RSPH1: variants seen among roughly 807,000 people sequenced by gnomAD.
RSPH1 encodes radial spoke head 1 homolog.
In RSPH1, 32 loss-of-function variants were observed where a neutral mutation model predicts 44.2. That is an observed-to-expected ratio of 0.72 (90% CI 0.55 to 0.97). The LOEUF is 0.97. Ranked by LOEUF, RSPH1 falls within the 50% of genes least tolerant of loss-of-function variation. The probability of loss-of-function intolerance (pLI) is 0.00; values close to 1 mark genes in which losing one functional copy is unlikely to be tolerated. For missense variants in RSPH1, 391 were observed against 398.7 expected, an observed-to-expected ratio of 0.98 and a Z score of 0.16; for synonymous variants, 134 against 147.3, an observed-to-expected ratio of 0.91 and a Z score of 0.65.
rs1268083145 is a variant in RSPH1 at position 42,474,788 on chromosome 21, AC to A, written c.877+1109del. 6.8e-6 allele frequency among the ~76,000 whole-genome samples: 1 copy of A among 148,072 alleles called. No individual in the cohort carries two copies. Among genetic ancestry groups the A allele is most frequent in the Non-Finnish European group, 1.5e-5 (1 of 67,972 alleles). ...ACAGCGCTCAGGGGAATTACCGATCACGAAAGTCTATGCCAGCGCTCAGGGG... is the reference window on the plus strand; with the variant it reads ...ACAGCGCTCAGGGGAATTACCGATCAGAAAGTCTATGCCAGCGCTCAGGGG... On this transcript the variant is annotated intron_variant, in intron 8 of 8. Coordinates refer to ENST00000291536, the MANE Select transcript of RSPH1 (RefSeq NM_080860.4). The surrounding 1 kb of genome is among the most constrained non-coding windows in gnomAD (Gnocchi z 5.2).
intron 7 of RSPH1, among the ~76,000 whole-genome samples, chr21:42,476,857 G>A (rs191104268): frequency 5.3e-5 from 8 of 152,196 alleles, no homozygotes; most frequent in Non-Finnish European, 1.2e-4. Flanking sequence ...ATAACATCCC[G>A]CACACTCAAC....
chr21:42,476,718 C>T (rs1196094238), intron 7 of RSPH1, among the ~76,000 whole-genome samples: 2 of 152,098 alleles, frequency 1.3e-5, no homozygotes, highest in Non-Finnish European at 2.9e-5. Context: ...CCCCGAGACG[C>T]CACAGTGCTC....
intron 6 of RSPH1, among the ~76,000 whole-genome samples, chr21:42,478,787 A>C (rs2054097161): frequency 6.6e-6 from 1 of 152,266 alleles, no homozygotes; most frequent in African/African-American, 2.4e-5. Context: ...TAAAATGTGG[A>C]AGCAACTCAA....
rs546823069 is a variant in RSPH1 at position 42,493,932 on chromosome 21, T to C, written c.55-853A>G. Among the ~76,000 whole-genome samples the C allele has an allele frequency of 4.6e-5, 7 of 152,328 alleles. No homozygotes were observed. In the East Asian group the frequency reaches 1.3e-3, roughly 29 times the overall value. On this transcript the variant is annotated intron_variant, in intron 1 of 8. Transcript: ENST00000291536. ...TTCCCAGCTAATTTCAAAATTTTTT[T>C]GTAGAGACAAGGTCTCACTATATTG...
chr21:42,475,551 T>C (rs4920111), intron 8 of RSPH1, among the ~76,000 whole-genome samples: 132,039 of 142,272 alleles, frequency 0.93, 61,396 homozygotes, highest in South Asian at 0.96. Context: ...CTGGGTGACA[T>C]AGCAAGACTC....
Position 42,473,227 on chromosome 21 carries a change from A to T in RSPH1, c.878-357T>A, listed in dbSNP as rs533294824. 1.9e-4 allele frequency among the ~76,000 whole-genome samples: 29 copies of T among 152,394 alleles called. No individual in the cohort carries two copies. In the South Asian group the frequency reaches 5.8e-3, roughly 30 times the overall value. The stretch of plus-strand genomic sequence containing the variant: ...AAAAGCAGGCCGGGCGCAGTGGCTC[A>T]TGCCTGTAATCCCAGCACTTTGGGA... On this transcript the variant is annotated intron_variant, in intron 8 of 8. Transcript: ENST00000291536.
In RSPH1 at chr21:42,492,994, C is replaced by T. The variant is rs935130583; in HGVS notation, c.140G>A (p.Ser47Asn). Residue 47 changes from serine (S) to asparagine (N), a missense_variant, in exon 2 of 9, where the codon AGC becomes AAC. By Grantham distance (46) the Ser-to-Asn change is conservative. Transcript: ENST00000291536. ...GCCATGTCTTTTACCGAATTCGTAGCTCCCTTCGTAGGTGTCCCCGTTGGG... is the reference window on the plus strand; with the variant it reads ...GCCATGTCTTTTACCGAATTCGTAGTTCCCTTCGTAGGTGTCCCCGTTGGG... ...RLPNGDTYEG[S>N]YEFGKRHGQG... The T allele has an allele frequency of 6.2e-7, 1 of 1,614,220 alleles. No homozygotes were observed. Among genetic ancestry groups the T allele is most frequent in the African/African-American group, 1.3e-5 (1 of 75,062 alleles).
chr21:42,480,902 C>T (rs2054121974), intron 6 of RSPH1, among the ~76,000 whole-genome samples: 1 of 152,162 alleles, frequency 6.6e-6, no homozygotes, highest in Non-Finnish European at 1.5e-5. Flanking sequence ...CACAGCCTCA[C>T]ACCTGAGCCC....
In RSPH1 at chr21:42,485,794, C is replaced by T. The variant is rs1037411448; in HGVS notation, c.376G>A (p.Gly126Ser). Residue 126 changes from glycine to serine, a missense_variant, in exon 5 of 9, where the codon GGC (glycine) becomes AGC (serine). Coordinates refer to ENST00000291536, the MANE Select transcript of RSPH1 (RefSeq NM_080860.4). ...CCCGTCTCCGCGTATAAATAGGTGC[C>T]TTGCCCATGCCTGGTTAAGACAAGG... ...EWFAHQRHGQGTYLYAETGSK... is the reference protein window; with the variant it reads ...EWFAHQRHGQSTYLYAETGSK... 9 of 1,614,090 alleles carry T rather than the reference C, an allele frequency of 5.6e-6. No homozygotes were observed. In the African/African-American group the frequency reaches 1.1e-4, roughly 19 times the overall value.
At chr21:42,483,772 T>C (rs2054153441) in intron 5 of RSPH1, among the ~76,000 whole-genome samples, 1 of 152,320 alleles carries the variant, frequency 6.6e-6, no homozygotes, top group East Asian at 1.9e-4. Flanking sequence ...TTTTTTTCTA[T>C]ATTTCCTAGG....
At chr21:42,478,136 G>A (rs2054089131) in intron 6 of RSPH1, among the ~76,000 whole-genome samples, 1 of 152,238 alleles carries the variant, frequency 6.6e-6, no homozygotes, top group Non-Finnish European at 1.5e-5. Context: ...GCCAACATGT[G>A]CCAATTTTGC....
rs192131647 is a variant in RSPH1, at chr21:42,492,888, C to G, written c.169-25G>C. ...CCTGAAACACATTGATTATATCATTCATATCATTGCTGAATGTAGCATTTG... is the reference window on the plus strand; with the variant it reads ...CCTGAAACACATTGATTATATCATTGATATCATTGCTGAATGTAGCATTTG... On this transcript the variant is annotated intron_variant, in intron 2 of 8. Coordinates refer to ENST00000291536, the MANE Select transcript of RSPH1 (RefSeq NM_080860.4). 1.5e-5 allele frequency: 23 copies of G among 1,579,256 alleles called. No homozygotes were observed. In the African/African-American group the frequency reaches 1.6e-4, roughly 11 times the overall value.
chr21:42,475,441 AC>A (rs1263394906), intron 8 of RSPH1, among the ~76,000 whole-genome samples: 3 of 151,476 alleles, frequency 2.0e-5, no homozygotes, highest in African/African-American at 4.9e-5. Context: ...GGTGGCATGC[AC>A]CTGTAATCCC....
At chr21:42,482,757 T>C in intron 5 of RSPH1, 49 bp from the exon 6 acceptor site, 1 of 1,368,544 alleles carries the variant, frequency 7.3e-7, no homozygotes, top group Non-Finnish European at 1.0e-6. Flanking sequence ...CAGCAGAAAA[T>C]ACAAAATACA....
intron 1 of RSPH1, 45 bp from the exon 2 acceptor site, chr21:42,493,124 C>T (rs969324004): frequency 2.6e-6 from 4 of 1,509,886 alleles, no homozygotes; most frequent in Middle Eastern, 1.7e-4. Flanking sequence ...ATTCATTAAG[C>T]GCTAACCAGG....
intron 3 of RSPH1, among the ~76,000 whole-genome samples, chr21:42,492,421 A>G (rs2054244714): frequency 6.6e-6 from 1 of 152,234 alleles, no homozygotes; most frequent in Non-Finnish European, 1.5e-5. Context: ...AGACAGGTTC[A>G]GGAAGATGAA....
chr21:42,485,350 T>C (rs1568964131), intron 5 of RSPH1: 1 of 300,688 alleles, frequency 3.3e-6, no homozygotes, highest in East Asian at 7.2e-5. Flanking sequence ...GGTATCTGAT[T>C]TACCCATGAG....
At chr21:42,476,565 G>C (rs2054053433) in intron 7 of RSPH1, among the ~76,000 whole-genome samples, 2 of 152,226 alleles carry the variant, frequency 1.3e-5, no homozygotes, top group Admixed American at 6.5e-5. Context: ...GCACATTAAG[G>C]ACTTCCAGAA....
At position 42,482,849 on chromosome 21, in the gene RSPH1, G is replaced by A. The variant is rs891510995; in HGVS notation, c.502-141C>T. 9 of 583,870 alleles carry A rather than the reference G, an allele frequency of 1.5e-5. No individual in the cohort carries two copies. The South Asian group carries it at 1.7e-4, about 11-fold the overall frequency. 36.2% of individuals were successfully genotyped at this position (583,870 alleles called of 1,614,324 possible). A position where few individuals can be genotyped will look rare whatever the true frequency, so the allele number is the denominator to read the frequency against. ...GATTAAGGAATGCTTTTGTGAACTC[G>A]TGGCTGATGGGATTGGAACTTATAT... On this transcript the variant is annotated intron_variant, in intron 5 of 8. Coordinates refer to ENST00000291536, the MANE Select transcript of RSPH1 (RefSeq NM_080860.4).
Sources: gnomAD v4.1 joint callset for allele counts (sites outside exome capture counted in the v4.1 genomes callset) on GRCh38, gnomAD v4.1.1 for gene constraint, Gnocchi (gnomAD v3.1) non-coding constraint, MANE v1.5 for transcripts, NCBI Gene and HGNC (gene_info 2026-07-23, HGNC 2026-07-21) for gene names.